The following LMBRD1 variants were observed in gnomAD, a reference collection of about 807,000 sequenced individuals.
LMBRD1 encodes the protein lysosomal cobalamin transport escort protein LMBD1.
Under a neutral mutation model 74.8 loss-of-function variants are expected in LMBRD1, and 64 were observed. That is an observed-to-expected ratio of 0.86 (90% CI 0.70 to 1.05). The LOEUF is 1.05. Among genes scored for constraint, LMBRD1 ranks in the 50% least tolerant of loss-of-function variants. The pLI is 0.00. For synonymous variants in LMBRD1, 204 were observed against 216.3 expected, an observed-to-expected ratio of 0.94 and a Z score of 0.50; for missense variants, 652 against 645.9, an observed-to-expected ratio of 1.01 and a Z score of -0.10.
intron 5 of LMBRD1, among the ~76,000 whole-genome samples, chr6:69,747,796 A>G (rs1273602429): frequency 6.6e-6 from 1 of 152,252 alleles, no homozygotes; most frequent in Non-Finnish European, 1.5e-5. Flanking sequence ...GAATTAGTTA[A>G]ATCTAGATCA....
chr6:69,729,676 T>C (rs1049961905), intron 7 of LMBRD1, among the ~76,000 whole-genome samples: 1 of 152,022 alleles, frequency 6.6e-6, no homozygotes, highest in Non-Finnish European at 1.5e-5. Context: ...TTAAAATATT[T>C]TATAAAATAA....
At chr6:69,687,459 AG>A (rs1765788787) in intron 14 of LMBRD1, among the ~76,000 whole-genome samples, 1 of 152,210 alleles carries the variant, frequency 6.6e-6, no homozygotes, top group South Asian at 2.1e-4. Flanking sequence ...CACCTAGAAT[AG>A]TACCTAGCAC....
At chr6:69,728,982 T>C (rs1405312038) in intron 7 of LMBRD1, among the ~76,000 whole-genome samples, 1 of 149,882 alleles carries the variant, frequency 6.7e-6, no homozygotes, top group Non-Finnish European at 1.5e-5. Context: ...TTTTAAAAAG[T>C]TGTTTTGCTA....
intron 7 of LMBRD1, among the ~76,000 whole-genome samples, chr6:69,730,573 A>G (rs1307591143): frequency 6.6e-6 from 1 of 152,150 alleles, no homozygotes; most frequent in Admixed American, 6.5e-5. Flanking sequence ...CGCTACATGC[A>G]CATTCACAAA....
intron 9 of LMBRD1, chr6:69,705,929 T>A: frequency 8.3e-7 from 1 of 1,209,484 alleles, no homozygotes; most frequent in Non-Finnish European, 1.2e-6. Context: ...ATTTTCAAAG[T>A]TGCCAGTGTT....
chr6:69,771,852 T>C (rs1279253734), intron 3 of LMBRD1, among the ~76,000 whole-genome samples: 1 of 150,520 alleles, frequency 6.6e-6, no homozygotes, highest in East Asian at 2.0e-4. Flanking sequence ...GAGACAATGG[T>C]GTCTTAGACA....
intron 7 of LMBRD1, 82 bp downstream of exon 7, chr6:69,737,860 C>A: frequency 2.2e-6 from 2 of 913,786 alleles, no homozygotes; most frequent in East Asian, 2.7e-5. Context: ...TAAAGGAAAA[C>A]AGAATAAAGT....
At chr6:69,705,601 G>C (rs1766234987) in intron 9 of LMBRD1, 2 of 1,009,306 alleles carry the variant, frequency 2.0e-6, no homozygotes, top group Admixed American at 1.7e-5. Context: ...TTCTTCACTG[G>C]TGATTTTTCT....
intron 3 of LMBRD1, among the ~76,000 whole-genome samples, chr6:69,767,676 T>C (rs1288022680): frequency 6.6e-6 from 1 of 151,914 alleles, no homozygotes; most frequent in African/African-American, 2.4e-5. Flanking sequence ...TCTGCATCCA[T>C]TGGGATACAA....
At chr6:69,731,062 G>A (rs1233478810) in intron 7 of LMBRD1, among the ~76,000 whole-genome samples, 2 of 152,094 alleles carry the variant, frequency 1.3e-5, no homozygotes, top group African/African-American at 4.8e-5. Context: ...TTCTGTGTAT[G>A]AGCGAAAACA....
chr6:69,688,803 T>G (rs1460259142), intron 14 of LMBRD1, among the ~76,000 whole-genome samples: 1 of 152,098 alleles, frequency 6.6e-6, no homozygotes, highest in East Asian at 1.9e-4. Flanking sequence ...TTTCAGATTT[T>G]GTTTATGCAC....
chr6:69,734,022 G>A (rs1163695206), intron 7 of LMBRD1, among the ~76,000 whole-genome samples: 1 of 152,194 alleles, frequency 6.6e-6, no homozygotes, highest in African/African-American at 2.4e-5. Flanking sequence ...CTATAAAGAT[G>A]AAGAAATTTA....
At chr6:69,754,821 C>G (rs1176014419) in intron 3 of LMBRD1, among the ~76,000 whole-genome samples, 1 of 152,054 alleles carries the variant, frequency 6.6e-6, no homozygotes, top group Admixed American at 6.5e-5. Context: ...ATGCAGCCAA[C>G]AAACATATGA....
chr6:69,685,679 T>TA (rs1390341136), intron 14 of LMBRD1, among the ~76,000 whole-genome samples: 1 of 152,112 alleles, frequency 6.6e-6, no homozygotes, highest in Non-Finnish European at 1.5e-5. Flanking sequence ...CACGTGCCTG[T>TA]AATCCCAGCT....
chr6:69,723,899 T>C (rs1451645053), intron 7 of LMBRD1, among the ~76,000 whole-genome samples: 1 of 151,036 alleles, frequency 6.6e-6, no homozygotes, highest in Non-Finnish European at 1.5e-5. Context: ...AAAGAAAAAA[T>C]TGACAAACCT....
chr6:69,743,885 G>T (rs1767160888), intron 5 of LMBRD1, among the ~76,000 whole-genome samples: 1 of 152,106 alleles, frequency 6.6e-6, no homozygotes, highest in African/African-American at 2.4e-5. Flanking sequence ...CACCTGACTG[G>T]TATAAAAGCA....
intron 9 of LMBRD1, among the ~76,000 whole-genome samples, chr6:69,703,198 C>A (rs1766171472): frequency 6.6e-6 from 1 of 152,022 alleles, no homozygotes; most frequent in Non-Finnish European, 1.5e-5. Context: ...GTAACAACTG[C>A]TCATTAGTAG....
At chr6:69,769,465 G>A (rs1302733826) in intron 3 of LMBRD1, among the ~76,000 whole-genome samples, 1 of 151,992 alleles carries the variant, frequency 6.6e-6, no homozygotes, top group Non-Finnish European at 1.5e-5. Flanking sequence ...TGAAGTCTTT[G>A]TCTGCTAAAT....
In LMBRD1 at chr6:69,749,272, C is replaced by G. The variant is rs567894961; in HGVS notation, c.473+69G>C. The G allele has an allele frequency of 2.5e-6, 3 of 1,216,840 alleles. No homozygotes were observed. In the Admixed American group the frequency reaches 6.2e-5, roughly 25 times the overall value. 75.4% of individuals were successfully genotyped at this position (1,216,840 alleles called of 1,614,324 possible). A position where few individuals can be genotyped will look rare whatever the true frequency, so the allele number is the denominator to read the frequency against. On this transcript the variant is annotated intron_variant, in intron 5 of 15. Coordinates refer to ENST00000649934, the MANE Select transcript of LMBRD1 (RefSeq NM_018368.4). ...TCTTTCCTAGATTTTTCTGAATGAT[C>G]CTTTTATTTTTTTTTTCAAATAATT...
Sources: allele counts gnomAD v4.1 joint callset (sites outside exome capture counted in the v4.1 genomes callset), GRCh38; gene constraint gnomAD v4.1.1; transcripts MANE v1.5; gene names NCBI Gene and HGNC (gene_info 2026-07-23, HGNC 2026-07-21).